CYSTM1: variants seen among roughly 807,000 people sequenced by gnomAD.
CYSTM1 encodes the protein cysteine rich transmembrane module containing 1.
CYSTM1 carries 4 observed loss-of-function variants against 13.1 expected under a neutral mutation model. The ratio of observed to expected loss-of-function variants is 0.31; its 90% CI spans 0.15 to 0.70. CYSTM1 has a LOEUF of 0.70. Ranked by LOEUF, CYSTM1 falls within the 30% of genes least tolerant of loss-of-function variation. The pLI is 0.72. For synonymous variants in CYSTM1, 36 were observed against 42.7 expected (o/e 0.84, Z 0.62); for missense variants, 96 against 121.6 (o/e 0.79, Z 0.99).
intron 2 of CYSTM1, among the ~76,000 whole-genome samples, chr5:140,216,496 C>T (rs1764428595): frequency 6.6e-6 from 1 of 152,094 alleles, no homozygotes; most frequent in Non-Finnish European, 1.5e-5. Context: ...GGAGACAGAC[C>T]CATTGAGCAG....
In CYSTM1 at chr5:140,198,742, G is replaced by A. The variant is rs143814677; in HGVS notation, c.187+4090G>A. On this transcript the variant is annotated intron_variant, in intron 2 of 2. Transcript: ENST00000261811. ...GTACCATACAATTTACCCATTTAAA[G>A]TTGTACAATCCAATGGTTTTCAGTA... Among the ~76,000 whole-genome samples the A allele has an allele frequency of 5.9e-5, 9 of 152,282 alleles. No individual in the cohort carries two copies. The East Asian group carries it at 1.3e-3, about 23-fold the overall frequency.
At position 140,239,901 on chromosome 5, in the gene CYSTM1, C is replaced by T. The variant is rs1364323194; in HGVS notation, c.188-3404C>T. On this transcript the variant is annotated intron_variant, in intron 2 of 2. Coordinates refer to ENST00000261811, the MANE Select transcript of CYSTM1 (RefSeq NM_032412.4). The surrounding 1 kb of genome is among the most constrained non-coding windows in gnomAD (Gnocchi z 5.4). ...GGAATAGTCCCTTCTTCTCTGGGGC[C>T]GGTTGAATAGGGTGGTCTGAGACAC... is the stretch of plus-strand genomic sequence containing the variant. 2.6e-5 allele frequency among the ~76,000 whole-genome samples: 4 copies of T among 152,274 alleles called. No homozygotes were observed. The highest frequency in any genetic ancestry group is 2.1e-4 in the South Asian group (1 of 4,824).
At chr5:140,227,060 G>T (rs1378749285) in intron 2 of CYSTM1, among the ~76,000 whole-genome samples, 3 of 152,152 alleles carry the variant, frequency 2.0e-5, no homozygotes, top group African/African-American at 7.2e-5. Context: ...GAGCCAGAGG[G>T]CTGGTTAGGG....
chr5:140,237,868 C>T (rs1385199191), intron 2 of CYSTM1, among the ~76,000 whole-genome samples: 1 of 152,172 alleles, frequency 6.6e-6, no homozygotes, highest in Non-Finnish European at 1.5e-5. Flanking sequence ...TGTCCAGGGG[C>T]AGCCTCCCTC....
At chr5:140,234,116 C>G (rs532117255) in intron 2 of CYSTM1, among the ~76,000 whole-genome samples, 4 of 152,286 alleles carry the variant, frequency 2.6e-5, no homozygotes, top group African/African-American at 7.2e-5. Flanking sequence ...GATCTATAAT[C>G]CACTTGGGGT....
chr5:140,233,617 G>A (rs757370594), intron 2 of CYSTM1, among the ~76,000 whole-genome samples: 8 of 152,126 alleles, frequency 5.3e-5, no homozygotes, highest in Non-Finnish European at 1.2e-4. Flanking sequence ...TGAGAGTTCC[G>A]GTGGCTCTGC....
intron 2 of CYSTM1, among the ~76,000 whole-genome samples, chr5:140,196,893 GT>G (rs1764165940): frequency 6.6e-6 from 1 of 152,210 alleles, no homozygotes; most frequent in African/African-American, 2.4e-5. Context: ...TATTCATTGG[GT>G]TAGGAACAAA....
At chr5:140,242,941 T>A (rs1270002622) in intron 2 of CYSTM1, among the ~76,000 whole-genome samples, 4 of 152,156 alleles carry the variant, frequency 2.6e-5, no homozygotes, top group African/African-American at 9.6e-5. Context: ...GGGTGATGGG[T>A]CAGCTGTATC....
At chr5:140,241,764 G>A (rs1764751495) in intron 2 of CYSTM1, among the ~76,000 whole-genome samples, 1 of 152,152 alleles carries the variant, frequency 6.6e-6, no homozygotes, top group Non-Finnish European at 1.5e-5. Context: ...GTGACCCCAG[G>A]GCCTGGGGTG....
At chr5:140,183,913 A>T (rs1273013616) in intron 1 of CYSTM1, among the ~76,000 whole-genome samples, 1 of 152,192 alleles carries the variant, frequency 6.6e-6, no homozygotes, top group African/African-American at 2.4e-5. Flanking sequence ...ACTGGACCAA[A>T]TTGTCTTCCC....
At chr5:140,224,097 G>A (rs1315205223) in intron 2 of CYSTM1, among the ~76,000 whole-genome samples, 1 of 152,152 alleles carries the variant, frequency 6.6e-6, no homozygotes, top group East Asian at 1.9e-4. Flanking sequence ...AGCTTTTAGG[G>A]TAAACACATG....
chr5:140,188,246 C>CG (rs1160353466), intron 1 of CYSTM1, among the ~76,000 whole-genome samples: 2 of 150,278 alleles, frequency 1.3e-5, no homozygotes, highest in Non-Finnish European at 3.0e-5. Flanking sequence ...AATTTTTTTG[C>CG]GGGGGGAAGG....
intron 2 of CYSTM1, among the ~76,000 whole-genome samples, chr5:140,242,272 C>G (rs1341195824): frequency 6.6e-6 from 1 of 152,086 alleles, no homozygotes; most frequent in African/African-American, 2.4e-5. Flanking sequence ...AACGGGAGGA[C>G]CTGGAAAATC....
intron 2 of CYSTM1, among the ~76,000 whole-genome samples, chr5:140,232,016 A>G (rs1184201823): frequency 1.3e-5 from 2 of 152,308 alleles, no homozygotes; most frequent in South Asian, 4.1e-4. Context: ...ATGGAGAGAA[A>G]TGAATGCATT....
At chr5:140,217,385 G>T (rs1433098206) in intron 2 of CYSTM1, among the ~76,000 whole-genome samples, 1 of 152,128 alleles carries the variant, frequency 6.6e-6, no homozygotes, top group African/African-American at 2.4e-5. Context: ...GAACTCCCCA[G>T]GGCTGTGGGC....
In CYSTM1 at chr5:140,216,288, G is replaced by C. The variant is rs374056497; in HGVS notation, c.187+21636G>C. On this transcript the variant is annotated intron_variant, in intron 2 of 2. Transcript: ENST00000261811. The stretch of plus-strand genomic sequence containing the variant: ...GTTAGTATCACACAGTTGATGTCAT[G>C]CTGGGTTTTTTACCCACAGAGAGGT... 6.6e-5 allele frequency among the ~76,000 whole-genome samples: 10 copies of C among 152,270 alleles called. 1 individual carries two copies. The highest frequency in any genetic ancestry group is 4.6e-4 in the Admixed American group (7 of 15,292).
intron 2 of CYSTM1, among the ~76,000 whole-genome samples, chr5:140,241,257 G>A (rs1764744923): frequency 6.6e-6 from 1 of 152,232 alleles, no homozygotes; most frequent in Non-Finnish European, 1.5e-5. Context: ...GCTCTGACAG[G>A]TGAGAAAGGC....
At chr5:140,221,392 C>T (rs908765742) in intron 2 of CYSTM1, among the ~76,000 whole-genome samples, 54 of 152,296 alleles carry the variant, frequency 3.5e-4, no homozygotes, top group African/African-American at 1.2e-3. Context: ...TACCTCCAGC[C>T]CCTAGCAACC....
At chr5:140,181,928 C>T (rs1465691) in intron 1 of CYSTM1, among the ~76,000 whole-genome samples, 5,467 of 152,300 alleles carry the variant, frequency 0.036, 142 homozygotes, top group Non-Finnish European at 0.052. Context: ...ACACCACCTT[C>T]GGCCGGGTAG....
Sources: gnomAD v4.1 joint callset for allele counts (sites outside exome capture counted in the v4.1 genomes callset) on GRCh38, gnomAD v4.1.1 for gene constraint, Gnocchi (gnomAD v3.1) non-coding constraint, MANE v1.5 for transcripts, NCBI Gene and HGNC (gene_info 2026-07-23, HGNC 2026-07-21) for gene names.